Variants in RASSF2 observed in about 807,000 individuals in gnomAD.
The protein encoded by RASSF2 is ras association domain-containing protein 2.
Under a neutral mutation model 46.3 loss-of-function variants are expected in RASSF2, and 34 were observed. The observed-to-expected ratio is 0.73, with a 90% CI of 0.56 to 0.98. The LOEUF is 0.98. Ranked by LOEUF, RASSF2 falls within the 50% of genes least tolerant of loss-of-function variation. The pLI is 0.00. For missense variants in RASSF2, 364 were observed against 431.2 expected, an observed-to-expected ratio of 0.84 and a Z score of 1.38; for synonymous variants, 158 against 162.5, an observed-to-expected ratio of 0.97 and a Z score of 0.21.
At chr20:4,816,625 C>T (rs372514078) in intron 2 of RASSF2, among the ~76,000 whole-genome samples, 28 of 152,162 alleles carry the variant, frequency 1.8e-4, no homozygotes, top group African/African-American at 5.8e-4. Context: ...TTATGGTATG[C>T]GTACTTTGCC....
rs1487271621 is a variant in RASSF2 at position 4,780,889 on chromosome 20, A to C, written c.*3384T>G. ...GAGGCTGAGACAGGAGAATCACTTG[A>C]ACCCCAGAGGCGGATGTTGCAGTGA... On this transcript the variant is annotated 3_prime_UTR_variant, in exon 12 of 12. Transcript: ENST00000379400. 1 of 152,002 alleles carries C rather than the reference A, an allele frequency of 6.6e-6. No homozygotes were observed. Among genetic ancestry groups the C allele is most frequent in the African/African-American group, 2.4e-5 (1 of 41,346 alleles). 9.4% of individuals were successfully genotyped at this position (152,002 alleles called of 1,614,324 possible). A position where few individuals can be genotyped will look rare whatever the true frequency, so the allele number is the denominator to read the frequency against.
At position 4,792,623 on chromosome 20, in the gene RASSF2, T is replaced by A; in HGVS notation, c.292A>T (p.Thr98Ser). Residue 98 changes from threonine to serine, a missense_variant, in exon 6 of 12, where the codon ACT becomes TCT. Coordinates refer to ENST00000379400, the MANE Select transcript of RASSF2 (RefSeq NM_014737.3). ...TTGGGCACAGTCAGGGGCTTCAGAG[T>A]GGTTCTGGGAGTGGAGAAGACAAAG... The part of the protein sequence containing the change: ...SGCNLGAQGT[T>S]LKPLTVPKVQ... 1.2e-6 allele frequency: 2 copies of A among 1,611,786 alleles called. No homozygotes were observed. Among genetic ancestry groups the A allele is most frequent in the Non-Finnish European group, 1.7e-6 (2 of 1,179,312 alleles).
At position 4,790,698 on chromosome 20, in the gene RASSF2, C is replaced by A; in HGVS notation, c.377-87G>T. On this transcript the variant is annotated intron_variant, in intron 6 of 11. Coordinates refer to ENST00000379400, the MANE Select transcript of RASSF2 (RefSeq NM_014737.3). This position sits in a 1 kb window ranked among gnomAD's most constrained non-coding sequence, Gnocchi z 4.3. ...CAATTTGTGGCCAGTGCGACAGCAC[C>A]CACTGTCTCCACAAATATATATTTT... 1 of 933,328 alleles carries A rather than the reference C, an allele frequency of 1.1e-6. No individual in the cohort carries two copies. Among genetic ancestry groups the A allele is most frequent in the Non-Finnish European group, 1.5e-6 (1 of 650,866 alleles). The allele number at this position is 933,328 out of a possible 1,614,324, so 57.8% of individuals were successfully genotyped here.
intron 2 of RASSF2, among the ~76,000 whole-genome samples, chr20:4,819,784 TG>T (rs1347810186): frequency 2.0e-5 from 3 of 152,236 alleles, no homozygotes; most frequent in Non-Finnish European, 2.9e-5. Context: ...CAAATCACTT[TG>T]GGTCGACATG....
chr20:4,798,351 G>A (rs539649321), intron 3 of RASSF2, among the ~76,000 whole-genome samples: 2 of 152,128 alleles, frequency 1.3e-5, no homozygotes, highest in South Asian at 2.1e-4. Flanking sequence ...ACCAAGGCAG[G>A]CCTCGTCTAC....
chr20:4,780,079 T>C lies in RASSF2; in HGVS notation c.*4194A>G, dbSNP rs568030215. The C allele has an allele frequency of 6.6e-6, 1 of 152,554 alleles. No homozygotes were observed. The highest frequency in any genetic ancestry group is 1.9e-4 in the East Asian group (1 of 5,196). The allele number at this position is 152,554 out of a possible 1,614,324, so 9.5% of individuals were successfully genotyped here. ...TCTAAGTCAGATGCATTAAAACATATCAAAATGTTACAAAAATGTATGGCT... is the reference window on the plus strand; with the variant it reads ...TCTAAGTCAGATGCATTAAAACATACCAAAATGTTACAAAAATGTATGGCT... On this transcript the variant is annotated 3_prime_UTR_variant, in exon 12 of 12. Coordinates refer to ENST00000379400, the MANE Select transcript of RASSF2 (RefSeq NM_014737.3).
intron 2 of RASSF2, among the ~76,000 whole-genome samples, chr20:4,820,282 A>G (rs1415015943): frequency 6.6e-6 from 1 of 152,168 alleles, no homozygotes; most frequent in African/African-American, 2.4e-5. Flanking sequence ...AGGCAGGAGG[A>G]TGGCTTGAGG....
At chr20:4,801,331 A>G (rs1416669654) in intron 2 of RASSF2, among the ~76,000 whole-genome samples, 1 of 152,186 alleles carries the variant, frequency 6.6e-6, no homozygotes, top group Non-Finnish European at 1.5e-5. Context: ...CACAGAGCAC[A>G]CTGACAGCCA....
At chr20:4,805,628 C>A (rs947675148) in intron 2 of RASSF2, among the ~76,000 whole-genome samples, 3 of 152,088 alleles carry the variant, frequency 2.0e-5, no homozygotes, top group Admixed American at 6.5e-5. Flanking sequence ...ATCTGATGTA[C>A]ATTTTGGAAA....
chr20:4,785,155 C>CAAAAAAAAAAAAAAAAAAAA (rs11454727), intron 11 of RASSF2, among the ~76,000 whole-genome samples: 1 of 92,564 alleles, frequency 1.1e-5, no homozygotes, highest in Non-Finnish European at 2.1e-5. Context: ...ACTAAAAATA[C>CAAAAAAAAAAAAAAAAAAAA]AAAAAAAAAA....
At chr20:4,801,937 A>G (rs1422413476) in intron 2 of RASSF2, among the ~76,000 whole-genome samples, 1 of 152,026 alleles carries the variant, frequency 6.6e-6, no homozygotes, top group Non-Finnish European at 1.5e-5. Flanking sequence ...GAAGGGTTTC[A>G]CCATGTTGGC....
chr20:4,816,169 C>T (rs536466688), intron 2 of RASSF2, among the ~76,000 whole-genome samples: 3 of 152,004 alleles, frequency 2.0e-5, no homozygotes, highest in South Asian at 2.1e-4. Context: ...AGTGTGGTGG[C>T]GTGCACCTGT....
In RASSF2 at chr20:4,819,731, A is replaced by G. The variant is rs927230114; in HGVS notation, c.-33+2598T>C. Among the ~76,000 whole-genome samples, 6 of 152,362 alleles carry G rather than the reference A, an allele frequency of 3.9e-5. 1 individual carries two copies. Among genetic ancestry groups the G allele is most frequent in the Middle Eastern group, 6.8e-3 (2 of 294 alleles). On this transcript the variant is annotated intron_variant, in intron 2 of 11. Transcript: ENST00000379400. ...GTTAATCACACTTCACTGAATGCCA[A>G]CTACGGTTAAAGCACCGTGCTGATG... is the stretch of plus-strand genomic sequence containing the variant.
At chr20:4,789,784 A>G (rs914531787) in intron 7 of RASSF2, 87 bp from the exon 8 acceptor site, 1 of 1,146,524 alleles carries the variant, frequency 8.7e-7, no homozygotes, top group Non-Finnish European at 1.3e-6. Flanking sequence ...CACAGTGACA[A>G]CGATACTCAG....
intron 9 of RASSF2, 84 bp downstream of exon 9, chr20:4,788,133 A>C: frequency 7.7e-7 from 1 of 1,298,706 alleles, no homozygotes; most frequent in South Asian, 1.2e-5. Context: ...TCAAACAACA[A>C]GCAAAGGAGG....
intron 2 of RASSF2, among the ~76,000 whole-genome samples, chr20:4,808,481 C>T (rs1601124467): frequency 7.7e-6 from 1 of 130,264 alleles, no homozygotes; most frequent in African/African-American, 3.0e-5. Context: ...AAATTTTACA[C>T]AAATCTTTTT....
chr20:4,805,652 A>G (rs1395512824), intron 2 of RASSF2, among the ~76,000 whole-genome samples: 3 of 152,162 alleles, frequency 2.0e-5, no homozygotes, highest in Non-Finnish European at 2.9e-5. Context: ...CACCCACCCA[A>G]TGCCTTGCTT....
At position 4,790,719 on chromosome 20, in the gene RASSF2, AT is replaced by A; in HGVS notation, c.377-109del. 1.4e-6 allele frequency: 1 copy of A among 737,578 alleles called. No homozygotes were observed. Among genetic ancestry groups the A allele is most frequent in the East Asian group, 3.4e-5 (1 of 29,234 alleles). 45.7% of individuals were successfully genotyped at this position (737,578 alleles called of 1,614,324 possible). A position where few individuals can be genotyped will look rare whatever the true frequency, so the allele number is the denominator to read the frequency against. The stretch of plus-strand genomic sequence containing the variant: ...GCACCCACTGTCTCCACAAATATAT[AT>A]TTTATACAAATAATATTTTCTGCTG... On this transcript the variant is annotated intron_variant, in intron 6 of 11. Transcript: ENST00000379400. The surrounding 1 kb of genome is among the most constrained non-coding windows in gnomAD (Gnocchi z 4.3).
At chr20:4,819,095 T>C (rs1392808606) in intron 2 of RASSF2, among the ~76,000 whole-genome samples, 2 of 152,222 alleles carry the variant, frequency 1.3e-5, no homozygotes, top group East Asian at 1.9e-4. Flanking sequence ...CCTGAGTAGG[T>C]GGGATTACAG....
Sources: allele counts gnomAD v4.1 joint callset (sites outside exome capture counted in the v4.1 genomes callset), GRCh38; gene constraint gnomAD v4.1.1; non-coding constraint Gnocchi (gnomAD v3.1); transcripts MANE v1.5; gene names NCBI Gene and HGNC (gene_info 2026-07-23, HGNC 2026-07-21).